THBS1: variants seen among roughly 807,000 people sequenced by gnomAD.
THBS1 encodes the protein thrombospondin-1.
In THBS1, 29 loss-of-function variants were observed where a neutral mutation model predicts 126.1. The ratio of observed to expected loss-of-function variants is 0.23; its 90% CI spans 0.17 to 0.31. The LOEUF is 0.31. THBS1 is among the 10% of genes least tolerant of loss of function. The pLI is 1.00. For missense variants in THBS1, 1,198 were observed against 1,545.2 expected (o/e 0.78, Z 3.77); for synonymous variants, 496 against 577.8 (o/e 0.86, Z 2.03).
chr15:39,584,972 T>C lies in THBS1; in HGVS notation c.1027-498T>C, dbSNP rs1890183376. ...TTAATAGCAAAGTATTTGAATTTGC[T>C]TAAATACAAATCACAGATGACTGGC... is the stretch of plus-strand genomic sequence containing the variant. On this transcript the variant is annotated intron_variant, in intron 6 of 21. Transcript: ENST00000260356. Among the ~76,000 whole-genome samples, 3 of 152,238 alleles carry C rather than the reference T, an allele frequency of 2.0e-5. 1 individual carries two copies. The South Asian group carries it at 6.2e-4, about 31-fold the overall frequency.
chr15:39,595,976 A>G lies in THBS1; in HGVS notation c.*607A>G, dbSNP rs905514208. The stretch of plus-strand genomic sequence containing the variant: ...GGCGTTAGCTGATTAACCCATGTAA[A>G]TAGGCACTTAAATAGAAGCAGGAAA... On this transcript the variant is annotated 3_prime_UTR_variant, in exon 22 of 22. Coordinates refer to ENST00000260356, the MANE Select transcript of THBS1 (RefSeq NM_003246.4). 101 of 409,228 alleles carry G rather than the reference A, an allele frequency of 2.5e-4. No individual in the cohort carries two copies. Among genetic ancestry groups the G allele is most frequent in the Non-Finnish European group, 4.5e-4 (90 of 201,116 alleles). 25.3% of individuals were successfully genotyped at this position (409,228 alleles called of 1,614,324 possible).
chr15:39,592,831 A>C lies in THBS1; in HGVS notation c.2767+29A>C, dbSNP rs1250309524. The C allele has an allele frequency of 4.4e-6, 7 of 1,598,844 alleles. No homozygotes were observed. The highest frequency in any genetic ancestry group is 6.0e-6 in the Non-Finnish European group (7 of 1,170,116). The stretch of plus-strand genomic sequence containing the variant: ...AGTCATGGGAGCCACTTTCTAAGAC[A>C]GGGACTGCTGGCACAGCTGTGTAGA... On this transcript the variant is annotated intron_variant, in intron 17 of 21. Transcript: ENST00000260356. The surrounding 1 kb of genome is among the most constrained non-coding windows in gnomAD (Gnocchi z 4.3).
intron 4 of THBS1, 130 bp downstream of exon 4, chr15:39,583,822 G>A (rs781573012): frequency 1.6e-5 from 20 of 1,216,256 alleles, no homozygotes; most frequent in Non-Finnish European, 2.4e-5. Flanking sequence ...GCATACAGAA[G>A]TGACTCCAAG....
Position 39,592,741 on chromosome 15 carries a change from C to A in THBS1, c.2706C>A (p.Gly902=), listed in dbSNP as rs1890351190. The A allele has an allele frequency of 1.9e-6, 3 of 1,614,170 alleles. No homozygotes were observed. The highest frequency in any genetic ancestry group is 2.5e-6 in the Non-Finnish European group (3 of 1,180,026). Residue 902 remains glycine, a synonymous_variant, in exon 17 of 22, where the codon GGC becomes GGA. Coordinates refer to ENST00000260356, the MANE Select transcript of THBS1 (RefSeq NM_003246.4). The surrounding 1 kb of genome is among the most constrained non-coding windows in gnomAD (Gnocchi z 4.3). ...DACDHDDDND[G]IPDDKDNCRL... ...GTGACCACGATGATGACAACGATGG[C>A]ATTCCTGATGACAAGGACAACTGCA...
chr15:39,581,639 C>CGTCT (rs1555384649), intron 1 of THBS1, 190 bp from the exon 2 acceptor site: 6 of 366,060 alleles, frequency 1.6e-5, no homozygotes, highest in Non-Finnish European at 2.4e-5. Flanking sequence ...CTTTCCTCCA[C>CGTCT]CTCTCTCTCT....
In THBS1 at chr15:39,595,935, T is replaced by C; in HGVS notation, c.*566T>C. 2.2e-6 allele frequency: 1 copy of C among 447,688 alleles called. No homozygotes were observed. The highest frequency in any genetic ancestry group is 1.6e-5 in the South Asian group (1 of 63,720). The allele number at this position is 447,688 out of a possible 1,614,324, so 27.7% of individuals were successfully genotyped here. A position where few individuals can be genotyped will look rare whatever the true frequency, so the allele number is the denominator to read the frequency against. On this transcript the variant is annotated 3_prime_UTR_variant, in exon 22 of 22. Transcript: ENST00000260356. ...AGGGGATTGAAAGACTATTGCTGGA[T>C]TTCATGATGCTGACTGGCGTTAGCT...
In THBS1 at chr15:39,596,356, A is replaced by G. The variant is rs1051702437; in HGVS notation, c.*987A>G. 3 of 153,792 alleles carry G rather than the reference A, an allele frequency of 2.0e-5. No homozygotes were observed. Among genetic ancestry groups the G allele is most frequent in the Non-Finnish European group, 4.3e-5 (3 of 69,160 alleles). 9.5% of individuals were successfully genotyped at this position (153,792 alleles called of 1,614,324 possible). A position where few individuals can be genotyped will look rare whatever the true frequency, so the allele number is the denominator to read the frequency against. On this transcript the variant is annotated 3_prime_UTR_variant, in exon 22 of 22. Transcript: ENST00000260356. ...TTTCTAATTCTCTCTTTTGGAATGT[A>G]GATTTTTTTTAAATGCTTTACGATG...
At position 39,582,373 on chromosome 15, in the gene THBS1, G is replaced by A. The variant is rs200577081; in HGVS notation, c.248G>A (p.Arg83Gln). 22 of 1,614,050 alleles carry A rather than the reference G, an allele frequency of 1.4e-5. No individual in the cohort carries two copies. Among genetic ancestry groups the A allele is most frequent in the Admixed American group, 5.0e-5 (3 of 59,994 alleles). The change falls in exon 3 of 22, where the codon CGG (arginine) becomes CAG (glutamine). Residue 83 changes from arginine (R) to glutamine (Q), a missense_variant. By Grantham distance (43) the Arg-to-Gln change is conservative. This residue lies in a region of THBS1 where 271 missense variants were observed against 277.0 expected (regional missense o/e 0.98). Transcript: ENST00000260356. ...TTCCAAGACCTGGTGGATGCTGTGCGGGCAGAAAAGGGTTTCCTCCTTCTG... is the reference window on the plus strand; with the variant it reads ...TTCCAAGACCTGGTGGATGCTGTGCAGGCAGAAAAGGGTTTCCTCCTTCTG... ...DKFQDLVDAV[R>Q]AEKGFLLLAS... is the part of the protein sequence containing the mutation.
chr15:39,588,398 C>T (rs576898063), intron 9 of THBS1, 128 bp from the exon 10 acceptor site: 46 of 1,331,902 alleles, frequency 3.5e-5, no homozygotes, highest in Non-Finnish European at 4.6e-5. Context: ...CAAACTCACC[C>T]TCTTCCCCAG....
Position 39,582,752 on chromosome 15 carries a change from G to A in THBS1, c.627G>A (p.Gln209=). 6.2e-7 allele frequency: 1 copy of A among 1,603,528 alleles called. No individual in the cohort carries two copies. Among genetic ancestry groups the A allele is most frequent in the South Asian group, 1.1e-5 (1 of 89,112 alleles). Residue 209 remains glutamine (Q), a splice_region_variant and synonymous_variant, in exon 3 of 22, where the codon CAG becomes CAA. Coordinates refer to ENST00000260356, the MANE Select transcript of THBS1 (RefSeq NM_003246.4). ...AGGGGGGCGTCAATGACAATTTCCA[G>A]GTGAGGCTTCTTCTCTGAGCCCTGC... The part of the protein sequence containing the change: ...IAKGGVNDNF[Q]GVLQNVRFVF...
chr15:39,589,674 A>G lies in THBS1; in HGVS notation c.1927-131A>G. On this transcript the variant is annotated intron_variant, in intron 12 of 21. Coordinates refer to ENST00000260356, the MANE Select transcript of THBS1 (RefSeq NM_003246.4). This position sits in a 1 kb window ranked among gnomAD's most constrained non-coding sequence, Gnocchi z 4.7. ...ATAGCCTCAGGGAGAATGGGGAGGG[A>G]CAGAGGTAACCCACACTCTTCCAAA... 1 of 1,029,662 alleles carries G rather than the reference A, an allele frequency of 9.7e-7. No homozygotes were observed. Among genetic ancestry groups the G allele is most frequent in the Non-Finnish European group, 1.4e-6 (1 of 731,202 alleles). 63.8% of individuals were successfully genotyped at this position (1,029,662 alleles called of 1,614,324 possible).
chr15:39,597,281 T>G lies in THBS1; in HGVS notation c.*1912T>G, dbSNP rs1131745. 104 of 111,214 alleles carry G rather than the reference T, an allele frequency of 9.4e-4. 1 individual carries two copies. Among genetic ancestry groups the G allele is most frequent in the African/African-American group, 4.0e-3 (83 of 20,766 alleles). 6.9% of individuals were successfully genotyped at this position (111,214 alleles called of 1,614,324 possible). A position where few individuals can be genotyped will look rare whatever the true frequency, so the allele number is the denominator to read the frequency against. On this transcript the variant is annotated 3_prime_UTR_variant, in exon 22 of 22. Transcript: ENST00000260356. The stretch of plus-strand genomic sequence containing the variant: ...TTGGTTTTTTCTTTTTTTTGTTTTG[T>G]TTTTTTTTTTTTTTTTTTTTGCTTT...
At position 39,594,110 on chromosome 15, in the gene THBS1, G is replaced by A; in HGVS notation, c.3279G>A (p.Leu1093=). The change falls in exon 20 of 22, where the codon CTG becomes CTA. Residue 1093 remains leucine, a synonymous_variant. Transcript: ENST00000260356. The surrounding 1 kb of genome is among the most constrained non-coding windows in gnomAD (Gnocchi z 4.4). ...TCCTTTTCCTTCAGGTGCGCACCCT[G>A]TGGCATGACCCTCGTCACATAGGCT... The part of the protein sequence containing the change: ...TGNTPGQVRT[L]WHDPRHIGWK... The A allele has an allele frequency of 6.2e-7, 1 of 1,613,852 alleles. No individual in the cohort carries two copies. Among genetic ancestry groups the A allele is most frequent in the Non-Finnish European group, 8.5e-7 (1 of 1,179,874 alleles).
chr15:39,582,384 G>A lies in THBS1; in HGVS notation c.259G>A (p.Gly87Ser). 6.2e-7 allele frequency: 1 copy of A among 1,614,134 alleles called. No individual in the cohort carries two copies. The highest frequency in any genetic ancestry group is 8.5e-7 in the Non-Finnish European group (1 of 1,180,022). ...DLVDAVRAEK[G>S]FLLLASLRQM... Reference sequence around the variant, plus strand: ...GGTGGATGCTGTGCGGGCAGAAAAGGGTTTCCTCCTTCTGGCATCCCTGAG... The same window carrying A: ...GGTGGATGCTGTGCGGGCAGAAAAGAGTTTCCTCCTTCTGGCATCCCTGAG... The change falls in exon 3 of 22, where the codon GGT (glycine) becomes AGT (serine). Residue 87 changes from glycine (G) to serine (S), a missense_variant. Coordinates refer to ENST00000260356, the MANE Select transcript of THBS1 (RefSeq NM_003246.4).
chr15:39,589,225 C>T lies in THBS1; in HGVS notation c.1797C>T (p.Cys599=), dbSNP rs1227537208. The stretch of plus-strand genomic sequence containing the variant: ...AGTGCAAAGAAGTGCCTGATGCCTG[C>T]TTCAACCACAATGGAGAGCACCGGT... ...VDECKEVPDA[C]FNHNGEHRCE... Residue 599 remains cysteine (C), a synonymous_variant, in exon 12 of 22, where the codon TGC becomes TGT. Transcript: ENST00000260356. The surrounding 1 kb of genome is among the most constrained non-coding windows in gnomAD (Gnocchi z 4.7). 26 of 1,614,054 alleles carry T rather than the reference C, an allele frequency of 1.6e-5. No homozygotes were observed. The highest frequency in any genetic ancestry group is 2.7e-5 in the African/African-American group (2 of 74,924).
chr15:39,585,083 G>T (rs184015466), intron 6 of THBS1, among the ~76,000 whole-genome samples: 2 of 152,060 alleles, frequency 1.3e-5, no homozygotes, highest in African/African-American at 4.8e-5. Flanking sequence ...AGTGCTTATA[G>T]ATCTTCCTTC....
At position 39,586,028 on chromosome 15, in the gene THBS1, C is replaced by A. The variant is rs539566932; in HGVS notation, c.1120+465C>A. Reference sequence around the variant, plus strand: ...GAGGGCCTAAGAGAATAGCAGCAATCTGAGCTCTAGAGCACCAAAAGAAAT... The same window carrying A: ...GAGGGCCTAAGAGAATAGCAGCAATATGAGCTCTAGAGCACCAAAAGAAAT... On this transcript the variant is annotated intron_variant, in intron 7 of 21. Coordinates refer to ENST00000260356, the MANE Select transcript of THBS1 (RefSeq NM_003246.4). Among the ~76,000 whole-genome samples the A allele has an allele frequency of 4.6e-5, 7 of 152,328 alleles. No homozygotes were observed. The East Asian group carries it at 1.3e-3, about 29-fold the overall frequency.
At chr15:39,584,249 C>A (rs750096598) in intron 5 of THBS1, 51 bp from the exon 6 acceptor site, 1 of 1,614,146 alleles carries the variant, frequency 6.2e-7, no homozygotes, top group East Asian at 2.2e-5. Flanking sequence ...GCAGATGGTC[C>A]CAAATGACTG....
chr15:39,596,681 T>A lies in THBS1; in HGVS notation c.*1312T>A, dbSNP rs1372966823. ...AGAGTGGATGTTATGGGATTCTTTTTTTCTCTGTTTTATCTTTTCAAGTGG... is the reference window on the plus strand; with the variant it reads ...AGAGTGGATGTTATGGGATTCTTTTATTCTCTGTTTTATCTTTTCAAGTGG... On this transcript the variant is annotated 3_prime_UTR_variant, in exon 22 of 22. Transcript: ENST00000260356. 1 of 152,222 alleles carries A rather than the reference T, an allele frequency of 6.6e-6. No homozygotes were observed. The highest frequency in any genetic ancestry group is 1.5e-5 in the Non-Finnish European group (1 of 68,032). The allele number at this position is 152,222 out of a possible 1,614,324, so 9.4% of individuals were successfully genotyped here.
Sources: allele counts gnomAD v4.1 joint callset (sites outside exome capture counted in the v4.1 genomes callset), GRCh38; gene constraint gnomAD v4.1.1; regional missense constraint gnomAD v4.1.1; non-coding constraint Gnocchi (gnomAD v3.1); transcripts MANE v1.5; gene names NCBI Gene and HGNC (gene_info 2026-07-23, HGNC 2026-07-21).